SLC24A2: variants seen among roughly 807,000 people sequenced by gnomAD.
SLC24A2 encodes sodium/potassium/calcium exchanger 2.
SLC24A2 carries 36 observed loss-of-function variants against 62.0 expected under a neutral mutation model. That is an observed-to-expected ratio of 0.58 (90% CI 0.44 to 0.77). SLC24A2 has a LOEUF of 0.77. Ranked by LOEUF, SLC24A2 falls within the 30% of genes least tolerant of loss-of-function variation. The pLI is 0.00. For missense variants in SLC24A2, 846 were observed against 817.9 expected (o/e 1.03, Z -0.42); for synonymous variants, 358 against 294.0 (o/e 1.22, Z -2.23).
intron 8 of SLC24A2, among the ~76,000 whole-genome samples, chr9:19,535,092 C>A (rs2132685468): frequency 6.6e-6 from 1 of 152,266 alleles, no homozygotes; most frequent in Non-Finnish European, 1.5e-5. Flanking sequence ...TTTTGATTTG[C>A]ATTTCTCTAA....
At chr9:19,966,166 A>G in the SLC24A2 span, among the ~76,000 whole-genome samples, 1 of 152,278 alleles carries the variant, frequency 6.6e-6, no homozygotes, top group South Asian at 2.1e-4. Flanking sequence ...AAGCGTCCAT[A>G]TAGCATTTTG....
intron 8 of SLC24A2, among the ~76,000 whole-genome samples, chr9:19,544,165 T>G (rs1386774896): frequency 6.6e-6 from 1 of 152,208 alleles, no homozygotes; most frequent in Admixed American, 6.5e-5. Context: ...GTTGCATTGA[T>G]CCCTTTACCA....
chr9:20,175,641 T>A, the SLC24A2 span, among the ~76,000 whole-genome samples: 1 of 152,016 alleles, frequency 6.6e-6, no homozygotes, highest in Non-Finnish European at 1.5e-5. Flanking sequence ...ATACAAAGAA[T>A]CTGTCACACA....
intron 7 of SLC24A2, among the ~76,000 whole-genome samples, chr9:19,558,965 A>G (rs1304003007): frequency 6.6e-6 from 1 of 152,188 alleles, no homozygotes; most frequent in African/African-American, 2.4e-5. Flanking sequence ...AGGGATCGAG[A>G]GACAAAGACC....
chr9:19,850,618 C>G, the SLC24A2 span, among the ~76,000 whole-genome samples: 41 of 152,026 alleles, frequency 2.7e-4, no homozygotes, highest in African/African-American at 8.5e-4. Flanking sequence ...AATTTTCAAT[C>G]TTCCCTCCCA....
At chr9:20,246,097 G>C in the SLC24A2 span, among the ~76,000 whole-genome samples, 1 of 152,184 alleles carries the variant, frequency 6.6e-6, no homozygotes, top group Non-Finnish European at 1.5e-5. Flanking sequence ...TTTTCAGGTT[G>C]CTGCAGGATA....
the SLC24A2 span, among the ~76,000 whole-genome samples, chr9:19,971,851 T>C: frequency 6.6e-6 from 1 of 152,318 alleles, no homozygotes; most frequent in Admixed American, 6.5e-5. Context: ...TTGATGTATG[T>C]CAACTCATTT....
chr9:19,558,672 T>A (rs1586956669), intron 7 of SLC24A2, among the ~76,000 whole-genome samples: 2 of 152,146 alleles, frequency 1.3e-5, no homozygotes, highest in African/African-American at 4.8e-5. Flanking sequence ...ACTTCAACAT[T>A]CAGTGTTCAA....
chr9:19,696,942 T>C (rs573083074), intron 2 of SLC24A2, among the ~76,000 whole-genome samples: 5 of 152,292 alleles, frequency 3.3e-5, no homozygotes, highest in African/African-American at 1.2e-4. Context: ...TGTACCTGGT[T>C]TGAAAATGTT....
the SLC24A2 span, among the ~76,000 whole-genome samples, chr9:20,007,757 T>C: frequency 3.9e-5 from 6 of 151,956 alleles, no homozygotes; most frequent in African/African-American, 1.2e-4. Flanking sequence ...AGTTTTAAAG[T>C]CTAATCCCAA....
chr9:19,649,339 G>A (rs971766082), intron 2 of SLC24A2, among the ~76,000 whole-genome samples: 6 of 151,712 alleles, frequency 4.0e-5, no homozygotes, highest in South Asian at 2.1e-4. Flanking sequence ...AGCTTGAATC[G>A]TTACACACAA....
At chr9:19,628,042 G>A (rs1432071154) in intron 2 of SLC24A2, among the ~76,000 whole-genome samples, 9 of 152,136 alleles carry the variant, frequency 5.9e-5, no homozygotes. Flanking sequence ...AAGCTATATG[G>A]AATGTATTAA....
At chr9:19,541,581 G>A (rs373146209) in intron 8 of SLC24A2, among the ~76,000 whole-genome samples, 3 of 142,602 alleles carry the variant, frequency 2.1e-5, no homozygotes, top group Admixed American at 6.9e-5. Flanking sequence ...CTCCAGCTGC[G>A]TGCTGGGAGA....
the SLC24A2 span, chr9:19,927,173 C>T: frequency 2.0e-5 from 3 of 152,266 alleles, no homozygotes; most frequent in Non-Finnish European, 4.4e-5. Flanking sequence ...ATGTTACCTT[C>T]ATCAGCAATT....
At chr9:19,658,740 A>T (rs1454425767) in intron 2 of SLC24A2, among the ~76,000 whole-genome samples, 2 of 152,134 alleles carry the variant, frequency 1.3e-5, no homozygotes, top group Non-Finnish European at 2.9e-5. Context: ...CCAGTGGGAG[A>T]CCCAGGAGAC....
In SLC24A2 at chr9:19,730,285, T is replaced by G. The variant is rs1422803288; in HGVS notation, c.930+55652A>C. 2.0e-5 allele frequency among the ~76,000 whole-genome samples: 3 copies of G among 152,214 alleles called. No homozygotes were observed. In the East Asian group the frequency reaches 5.8e-4, roughly 29 times the overall value. ...ACTTGGCAATATGTATCAAGATCAG[T>G]AATGTGCAGGCTTTTGACACAGTAA... On this transcript the variant is annotated intron_variant, in intron 2 of 10. Transcript: ENST00000341998.
chr9:19,525,748 T>C lies in SLC24A2; in HGVS notation c.1569+2301A>G, dbSNP rs1423959578. Among the ~76,000 whole-genome samples, 5 of 148,840 alleles carry C rather than the reference T, an allele frequency of 3.4e-5. No homozygotes were observed. The South Asian group carries it at 1.1e-3, about 32-fold the overall frequency. On this transcript the variant is annotated intron_variant, in intron 9 of 10. Transcript: ENST00000341998. ...ATGCAGCCATGTTTCTCCACATCCTTATCAACACATGCTACTGTTTTTTTT... is the reference window on the plus strand; with the variant it reads ...ATGCAGCCATGTTTCTCCACATCCTCATCAACACATGCTACTGTTTTTTTT...
intron 2 of SLC24A2, among the ~76,000 whole-genome samples, chr9:19,758,934 T>C (rs1209591102): frequency 6.6e-6 from 1 of 152,162 alleles, no homozygotes; most frequent in Non-Finnish European, 1.5e-5. Context: ...CATACCGCAA[T>C]GCACCTTCCT....
the SLC24A2 span, among the ~76,000 whole-genome samples, chr9:19,857,117 T>G: frequency 6.6e-6 from 1 of 152,228 alleles, no homozygotes; most frequent in Non-Finnish European, 1.5e-5. Flanking sequence ...GTAGAACTAG[T>G]TTCTTCTGGA....
Sources: allele counts gnomAD v4.1 joint callset (sites outside exome capture counted in the v4.1 genomes callset), GRCh38; gene constraint gnomAD v4.1.1; transcripts MANE v1.5; gene names NCBI Gene and HGNC (gene_info 2026-07-23, HGNC 2026-07-21).